The following ZBTB7C variants were observed in gnomAD, a reference collection of about 807,000 sequenced individuals.
ZBTB7C encodes zinc finger and BTB domain containing 7C.
ZBTB7C carries 8 observed loss-of-function variants against 25.7 expected under a neutral mutation model. That is an observed-to-expected ratio of 0.31 (90% CI 0.18 to 0.56). The LOEUF (loss-of-function observed/expected upper bound fraction) is 0.56, where lower values mean the gene tolerates loss of function less well. ZBTB7C is among the 20% of genes least tolerant of loss of function. ZBTB7C has a pLI of 0.91. For synonymous variants in ZBTB7C, 394 were observed against 369.0 expected, an observed-to-expected ratio of 1.07 and a Z score of -0.78; for missense variants, 824 against 855.2, an observed-to-expected ratio of 0.96 and a Z score of 0.46.
intron 3 of ZBTB7C, among the ~76,000 whole-genome samples, chr18:48,068,492 TA>T (rs60866380): frequency 0.22 from 32,215 of 148,296 alleles, 3,775 homozygotes; most frequent in African/African-American, 0.31. Context: ...CAGAAGCTGT[TA>T]AAAAAAAAAC....
chr18:48,170,488 A>C (rs2041434640), intron 3 of ZBTB7C, among the ~76,000 whole-genome samples: 1 of 152,192 alleles, frequency 6.6e-6, no homozygotes, highest in South Asian at 2.1e-4. Context: ...TCATGAACAC[A>C]AAGAAAGTTC....
chr18:48,345,256 G>A (rs2046701294), intron 1 of ZBTB7C, among the ~76,000 whole-genome samples: 1 of 152,210 alleles, frequency 6.6e-6, no homozygotes, highest in African/African-American at 2.4e-5. Flanking sequence ...GCACTGGACA[G>A]GCTGGGTTTG....
chr18:48,212,109 C>T (rs1204825243), intron 2 of ZBTB7C, among the ~76,000 whole-genome samples: 1 of 152,206 alleles, frequency 6.6e-6, no homozygotes, highest in Non-Finnish European at 1.5e-5. Context: ...GATCTCAGCA[C>T]TTTGGGAGGC....
chr18:48,242,162 TC>T (rs2043548099), intron 2 of ZBTB7C, among the ~76,000 whole-genome samples: 1 of 151,994 alleles, frequency 6.6e-6, no homozygotes. Flanking sequence ...AAATAGAAAC[TC>T]TGAACAGACC....
At chr18:48,123,170 C>T (rs904010315) in intron 3 of ZBTB7C, among the ~76,000 whole-genome samples, 3 of 152,142 alleles carry the variant, frequency 2.0e-5, no homozygotes, top group South Asian at 4.1e-4. Context: ...TTGTGATCAC[C>T]CATCAAGTGA....
At chr18:48,251,329 G>T (rs2043850877) in intron 2 of ZBTB7C, among the ~76,000 whole-genome samples, 1 of 152,162 alleles carries the variant, frequency 6.6e-6, no homozygotes, top group Non-Finnish European at 1.5e-5. Context: ...TGTATTCTTA[G>T]TTCTAACATT....
intron 1 of ZBTB7C, among the ~76,000 whole-genome samples, chr18:48,387,078 C>A (rs1174539993): frequency 1.3e-5 from 2 of 152,194 alleles, no homozygotes; most frequent in African/African-American, 4.8e-5. Context: ...AAGTAAAGAA[C>A]ATTCAGGTTG....
intron 1 of ZBTB7C, among the ~76,000 whole-genome samples, chr18:48,406,984 G>A (rs944878760): frequency 6.6e-6 from 1 of 152,186 alleles, no homozygotes; most frequent in African/African-American, 2.4e-5. Flanking sequence ...TGGCCAACTC[G>A]TAGTTCTTTT....
intron 3 of ZBTB7C, among the ~76,000 whole-genome samples, chr18:48,152,690 G>A (rs116422778): frequency 1.4e-3 from 206 of 152,328 alleles, no homozygotes; most frequent in African/African-American, 4.8e-3. Flanking sequence ...TAAAGTCTTG[G>A]TGCAGTGATG....
intron 1 of ZBTB7C, among the ~76,000 whole-genome samples, chr18:48,359,026 T>C (rs1285129593): frequency 1.3e-5 from 2 of 152,186 alleles, no homozygotes; most frequent in Non-Finnish European, 2.9e-5. Flanking sequence ...CTGTGAGCTC[T>C]GGAGGGCCTT....
intron 3 of ZBTB7C, among the ~76,000 whole-genome samples, chr18:48,098,656 A>G (rs574512785): frequency 6.6e-6 from 1 of 152,304 alleles, no homozygotes; most frequent in South Asian, 2.1e-4. Flanking sequence ...GAAGGATTTC[A>G]TATCTGGTTC....
intron 1 of ZBTB7C, among the ~76,000 whole-genome samples, chr18:48,404,607 C>A (rs2048236918): frequency 6.6e-6 from 1 of 152,202 alleles, no homozygotes; most frequent in South Asian, 2.1e-4. Flanking sequence ...ATGCTCCCAA[C>A]ATCCACTGGG....
chr18:48,314,404 G>C (rs536844513), intron 2 of ZBTB7C, among the ~76,000 whole-genome samples: 13 of 152,166 alleles, frequency 8.5e-5, no homozygotes, highest in Non-Finnish European at 1.9e-4. Context: ...GTTATAAAGG[G>C]ATGATTTTGC....
intron 3 of ZBTB7C, among the ~76,000 whole-genome samples, chr18:48,086,846 A>G (rs1414947045): frequency 6.6e-6 from 1 of 152,148 alleles, no homozygotes; most frequent in Non-Finnish European, 1.5e-5. Context: ...AATTTAATAC[A>G]ATTTATTTAA....
chr18:48,099,384 G>A (rs4940250), intron 3 of ZBTB7C, among the ~76,000 whole-genome samples: 26,149 of 152,218 alleles, frequency 0.17, 2,590 homozygotes, highest in Admixed American at 0.24. Flanking sequence ...TAATAGGCAA[G>A]TGCTGAAAGT....
At chr18:48,154,304 A>C (rs1032657790) in intron 3 of ZBTB7C, among the ~76,000 whole-genome samples, 5 of 152,214 alleles carry the variant, frequency 3.3e-5, no homozygotes, top group African/African-American at 4.8e-5. Flanking sequence ...GCTCTCACAG[A>C]TGATCCAGAG....
At chr18:48,336,145 CA>C (rs1465126292) in intron 2 of ZBTB7C, among the ~76,000 whole-genome samples, 1 of 152,222 alleles carries the variant, frequency 6.6e-6, no homozygotes, top group East Asian at 1.9e-4. Flanking sequence ...CAGCAACTGC[CA>C]AAGCACTTAA....
intron 3 of ZBTB7C, chr18:48,150,785 A>C (rs570334282): frequency 1.3e-5 from 2 of 152,308 alleles, no homozygotes; most frequent in South Asian, 4.1e-4. Flanking sequence ...GGACAAATGC[A>C]AATTTGAAGT....
intron 1 of ZBTB7C, among the ~76,000 whole-genome samples, chr18:48,367,234 TACATAC>T (rs1306988111): frequency 2.7e-5 from 2 of 73,438 alleles, no homozygotes; most frequent in African/African-American, 4.8e-5. Context: ...CACACACACA[TACATAC>T]ACACACACAC....
Sources: gnomAD v4.1 joint callset for allele counts (sites outside exome capture counted in the v4.1 genomes callset) on GRCh38, gnomAD v4.1.1 for gene constraint, MANE v1.5 for transcripts, NCBI Gene and HGNC (gene_info 2026-07-23, HGNC 2026-07-21) for gene names.